The following HTR3B variants were observed in gnomAD, a reference collection of about 807,000 sequenced individuals.
HTR3B encodes 5-hydroxytryptamine receptor 3B.
In HTR3B, 44 loss-of-function variants were observed where a neutral mutation model predicts 42.8. The observed-to-expected ratio is 1.03, with a 90% CI of 0.81 to 1.32. The LOEUF (loss-of-function observed/expected upper bound fraction) is 1.32, where lower values mean the gene tolerates loss of function less well. Ranked by LOEUF, HTR3B falls within the 40% of genes most tolerant of loss-of-function variation. The pLI, the probability that HTR3B is intolerant of heterozygous loss-of-function variation, is 0.00. For missense variants in HTR3B, 527 were observed against 536.5 expected (o/e 0.98, Z 0.17); for synonymous variants, 203 against 209.0 (o/e 0.97, Z 0.25).
intron 5 of HTR3B, 74 bp from the exon 6 acceptor site, chr11:113,932,862 T>C (rs1244848020): frequency 9.4e-6 from 14 of 1,488,560 alleles, no homozygotes; most frequent in Non-Finnish European, 1.3e-5. Context: ...GGATTCGAAT[T>C]GGGAGCTGGA....
At chr11:113,906,198 A>G (rs1165989779) in intron 1 of HTR3B, among the ~76,000 whole-genome samples, 2 of 152,232 alleles carry the variant, frequency 1.3e-5, no homozygotes, top group Non-Finnish European at 2.9e-5. Context: ...TGTTGCAGAA[A>G]GACCTGCCCT....
intron 2 of HTR3B, among the ~76,000 whole-genome samples, chr11:113,910,442 CTTTTT>C (rs34377344): frequency 7.3e-6 from 1 of 136,266 alleles, no homozygotes. Flanking sequence ...ATTTCTCTCT[CTTTTT>C]TTTTTTTTTT....
upstream of HTR3B, among the ~76,000 whole-genome samples, chr11:113,900,159 G>A (rs1007086981): frequency 6.6e-6 from 1 of 152,072 alleles, no homozygotes; most frequent in African/African-American, 2.4e-5. Context: ...TCGGGAGGCT[G>A]AGGCAGGAGA....
chr11:113,946,203 G>C lies in HTR3B; in HGVS notation c.*66G>C. 7.7e-7 allele frequency: 1 copy of C among 1,296,410 alleles called. No individual in the cohort carries two copies. 80.3% of individuals were successfully genotyped at this position (1,296,410 alleles called of 1,614,324 possible). On this transcript the variant is annotated 3_prime_UTR_variant, in exon 9 of 9. Transcript: ENST00000260191. ...GAGAGAGGAGGGGGAATAATAGTGG[G>C]TTAAAAAGCTTTCTGGGTCGGGTGT... is the stretch of plus-strand genomic sequence containing the variant.
intron 2 of HTR3B, among the ~76,000 whole-genome samples, chr11:113,923,492 A>G (rs1429028403): frequency 6.6e-6 from 1 of 152,220 alleles, no homozygotes; most frequent in East Asian, 1.9e-4. Flanking sequence ...TTTGTATTCC[A>G]GTCCATTGAC....
At chr11:113,922,840 C>T (rs1459898681) in intron 2 of HTR3B, among the ~76,000 whole-genome samples, 2 of 152,210 alleles carry the variant, frequency 1.3e-5, no homozygotes. Flanking sequence ...TAGGCGTGAG[C>T]TACCGCGCCC....
chr11:113,923,842 CT>C (rs1949940180), intron 2 of HTR3B, among the ~76,000 whole-genome samples: 1 of 152,164 alleles, frequency 6.6e-6, no homozygotes, highest in East Asian at 1.9e-4. Flanking sequence ...CCTCAAAATA[CT>C]TTTTGACATT....
Position 113,931,824 on chromosome 11 carries a change from C to A in HTR3B, c.325C>A (p.Pro109Thr), listed in dbSNP as rs771248092. The change falls in exon 4 of 9, where the codon CCT becomes ACT. Residue 109 changes from proline to threonine, a missense_variant. Physicochemically the swap from Pro to Thr is conservative, Grantham distance 38 (BLOSUM62 -1). Coordinates refer to ENST00000260191, the MANE Select transcript of HTR3B (RefSeq NM_006028.5). The part of the protein sequence containing the change: ...MFDEIREISL[P>T]LSAIWAPDII... The stretch of plus-strand genomic sequence containing the variant: ...TGATGAGATTAGAGAGATCTCCCTA[C>A]CTCTAAGTGCCATCTGGGCCCCCGA... 3.1e-6 allele frequency: 5 copies of A among 1,610,294 alleles called. No individual in the cohort carries two copies. The highest frequency in any genetic ancestry group is 4.3e-6 in the Non-Finnish European group (5 of 1,176,460).
intron 6 of HTR3B, among the ~76,000 whole-genome samples, chr11:113,935,195 C>A (rs1165322797): frequency 6.8e-6 from 1 of 147,238 alleles, no homozygotes; most frequent in Non-Finnish European, 1.5e-5. Context: ...TGAACAGAGA[C>A]AGAAGATTGT....
intron 2 of HTR3B, among the ~76,000 whole-genome samples, chr11:113,922,460 C>G (rs1949925177): frequency 6.6e-6 from 1 of 152,186 alleles, no homozygotes; most frequent in Non-Finnish European, 1.5e-5. Context: ...TCTCGAACTC[C>G]TGGCCTCAAG....
rs137965950 is a variant in HTR3B, at chr11:113,915,693, G to A, written c.213+6238G>A. Reference sequence around the variant, plus strand: ...GGATAAATGCTTAGGTATAGTATTGGTGAGTTGTATGATGGGTCTATGTTT... The same window carrying A: ...GGATAAATGCTTAGGTATAGTATTGATGAGTTGTATGATGGGTCTATGTTT... On this transcript the variant is annotated intron_variant, in intron 2 of 8. Transcript: ENST00000260191. Among the ~76,000 whole-genome samples, 554 of 152,260 alleles carry A rather than the reference G, an allele frequency of 3.6e-3. 7 individuals carry two copies. Among genetic ancestry groups the A allele is most frequent in the African/African-American group, 0.012 (493 of 41,560 alleles).
rs535190580 is a variant in HTR3B, at chr11:113,932,597, T to C, written c.538+139T>C. On this transcript the variant is annotated intron_variant, in intron 5 of 8. Transcript: ENST00000260191. ...GAATCTCTTCTTGCGGTTTTTTGGC[T>C]CCTGCTGTAATCCAGACCAAGTATG... 2,416 of 776,398 alleles carry C rather than the reference T, an allele frequency of 3.1e-3. 5 individuals are homozygous for C. Among genetic ancestry groups the C allele is most frequent in the Non-Finnish European group, 3.9e-3 (1,930 of 492,538 alleles). 48.1% of individuals were successfully genotyped at this position (776,398 alleles called of 1,614,324 possible).
rs542556393 is a variant in HTR3B at position 113,943,087 on chromosome 11, C to T, written c.802C>T (p.Arg268Ter). The T allele has an allele frequency of 6.2e-6, 10 of 1,614,076 alleles. No homozygotes were observed. Among genetic ancestry groups the T allele is most frequent in the East Asian group, 2.2e-5 (1 of 44,860 alleles). Residue 268 changes from arginine (R) to a stop codon, truncating the protein, a stop_gained, in exon 7 of 9, where the codon CGA becomes TGA. Coordinates refer to ENST00000260191, the MANE Select transcript of HTR3B (RefSeq NM_006028.5). LOFTEE classifies it high-confidence loss of function. ...LGSFYLPPNCRARIVFKTSVL... is the reference protein window; with the variant it reads ...LGSFYLPPNC ...GAGCTTCTACCTGCCACCCAACTGC[C>T]GAGCCAGGATTGTGTTCAAGACCAG...
chr11:113,946,435 G>A lies in HTR3B; in HGVS notation c.*298G>A, dbSNP rs1249601003. On this transcript the variant is annotated 3_prime_UTR_variant, in exon 9 of 9. Transcript: ENST00000260191. ...TCTCAGCTACTTGGGAGGTTGAGGT[G>A]GGAGGATTGCTTGAGCCCAGGATTT... is the stretch of plus-strand genomic sequence containing the variant. 3 of 182,104 alleles carry A rather than the reference G, an allele frequency of 1.6e-5. No homozygotes were observed. The highest frequency in any genetic ancestry group is 3.5e-5 in the Non-Finnish European group (3 of 86,302). 11.3% of individuals were successfully genotyped at this position (182,104 alleles called of 1,614,324 possible). A position where few individuals can be genotyped will look rare whatever the true frequency, so the allele number is the denominator to read the frequency against.
Position 113,946,207 on chromosome 11 carries a change from A to G in HTR3B, c.*70A>G, listed in dbSNP as rs1950178056. 1 of 1,267,926 alleles carries G rather than the reference A, an allele frequency of 7.9e-7. No individual in the cohort carries two copies. The highest frequency in any genetic ancestry group is 1.7e-5 in the Admixed American group (1 of 57,752). The allele number at this position is 1,267,926 out of a possible 1,614,324, so 78.5% of individuals were successfully genotyped here. On this transcript the variant is annotated 3_prime_UTR_variant, in exon 9 of 9. Transcript: ENST00000260191. ...GAGGAGGGGGAATAATAGTGGGTTA[A>G]AAAGCTTTCTGGGTCGGGTGTGGTG... is the stretch of plus-strand genomic sequence containing the variant.
intron 2 of HTR3B, among the ~76,000 whole-genome samples, chr11:113,924,951 C>G (rs1270433590): frequency 6.6e-6 from 1 of 152,116 alleles, no homozygotes; most frequent in Non-Finnish European, 1.5e-5. Context: ...TTCTCTTTCT[C>G]AAAGAGAAAA....
intron 6 of HTR3B, among the ~76,000 whole-genome samples, chr11:113,942,011 G>A (rs1672717): frequency 0.71 from 108,235 of 152,136 alleles, 39,996 homozygotes; most frequent in African/African-American, 0.92. Flanking sequence ...TTTCCTGCCC[G>A]GAATGATAGA....
intron 2 of HTR3B, among the ~76,000 whole-genome samples, chr11:113,925,526 C>T (rs34734147): frequency 0.055 from 7,972 of 145,670 alleles, 270 homozygotes; most frequent in African/African-American, 0.084. Flanking sequence ...TGGGTTCAAA[C>T]GATTCTTCTG....
intron 6 of HTR3B, among the ~76,000 whole-genome samples, chr11:113,936,549 G>A (rs1300905441): frequency 1.3e-5 from 2 of 151,540 alleles, no homozygotes; most frequent in Non-Finnish European, 2.9e-5. Flanking sequence ...GATCATATGA[G>A]AGAGAGAGAG....
Sources: allele counts gnomAD v4.1 joint callset (sites outside exome capture counted in the v4.1 genomes callset), GRCh38; gene constraint gnomAD v4.1.1; transcripts MANE v1.5; gene names NCBI Gene and HGNC (gene_info 2026-07-23, HGNC 2026-07-21).